Variants in SRGAP1 observed in about 807,000 individuals in gnomAD.
SRGAP1 encodes the protein SLIT-ROBO Rho GTPase-activating protein 1.
A neutral mutation model predicts 121.9 loss-of-function variants in SRGAP1; 43 were observed. That is an observed-to-expected ratio of 0.35 (90% CI 0.28 to 0.46). The LOEUF is 0.46. Among genes scored for constraint, SRGAP1 ranks in the 20% least tolerant of loss-of-function variants. SRGAP1 has a pLI of 1.00. For missense variants in SRGAP1, 1,102 were observed against 1,350.9 expected, an observed-to-expected ratio of 0.82 and a Z score of 2.89; for synonymous variants, 447 against 485.4, an observed-to-expected ratio of 0.92 and a Z score of 1.04.
chr12:63,945,932 A>AGTTCACCCACACATACCTTCCTACCTG (rs2032030846), intron 1 of SRGAP1, among the ~76,000 whole-genome samples: 1 of 150,922 alleles, frequency 6.6e-6, no homozygotes, highest in Non-Finnish European at 1.5e-5. Context: ...CTTTCTACCT[A>AGTTCACCCACACATACCTTCCTACCTG]GTTCACCCAC....
At chr12:64,071,529 C>A (rs9652019) in intron 8 of SRGAP1, among the ~76,000 whole-genome samples, 18,072 of 152,188 alleles carry the variant, frequency 0.12, 1,283 homozygotes, top group South Asian at 0.31. Context: ...GAAATATAAA[C>A]CTCTAAACAG....
rs764147106 is a variant in SRGAP1, at chr12:64,128,154, C to T, written c.2834C>T (p.Thr945Met). Residue 945 changes from threonine to methionine, a missense_variant, in exon 21 of 22, where the codon ACG becomes ATG. Thr to Met is a moderately conservative substitution (Grantham distance 81, BLOSUM62 -1). Around this residue, in one of 3 missense-constraint regions of SRGAP1, gnomAD observed 315 missense variants for 343.1 expected, o/e 0.92. Coordinates refer to ENST00000355086, the MANE Select transcript of SRGAP1 (RefSeq NM_020762.4). ...AGGTCCACGTCATCAGGGCAATACA[C>T]GGGCTTCAATGACCACAAGCCACTG... The part of the protein sequence containing the change: ...IRRSTSSGQY[T>M]GFNDHKPLDP... The T allele has an allele frequency of 4.0e-5, 64 of 1,613,792 alleles. No homozygotes were observed. Among genetic ancestry groups the T allele is most frequent in the Middle Eastern group, 3.3e-4 (2 of 6,084 alleles).
At chr12:64,096,022 T>C (rs570284720) in intron 14 of SRGAP1, among the ~76,000 whole-genome samples, 1 of 152,296 alleles carries the variant, frequency 6.6e-6, no homozygotes, top group East Asian at 1.9e-4. Context: ...GGCCTCGATT[T>C]CCTCACCTGC....
At chr12:63,988,673 CAG>C (rs1369845579) in intron 2 of SRGAP1, among the ~76,000 whole-genome samples, 2 of 152,144 alleles carry the variant, frequency 1.3e-5, no homozygotes, top group Admixed American at 6.5e-5. Flanking sequence ...AATTAATATT[CAG>C]AGTCATACAT....
intron 1 of SRGAP1, among the ~76,000 whole-genome samples, chr12:63,867,612 G>A (rs1899683151): frequency 6.6e-6 from 1 of 152,114 alleles, no homozygotes; most frequent in Middle Eastern, 3.4e-3. Flanking sequence ...TATCTTATAA[G>A]ATTATTATGA....
At chr12:64,020,859 AAAAG>A in intron 4 of SRGAP1, among the ~76,000 whole-genome samples, 1 of 150,806 alleles carries the variant, frequency 6.6e-6, no homozygotes, top group East Asian at 1.9e-4. Flanking sequence ...AAAAAAAAAA[AAAAG>A]AAAAGAAAGA....
At chr12:64,075,249 G>A (rs1164411586) in intron 8 of SRGAP1, among the ~76,000 whole-genome samples, 7 of 152,364 alleles carry the variant, frequency 4.6e-5, no homozygotes, top group South Asian at 4.1e-4. Flanking sequence ...GGGATGGGCC[G>A]AATTAAAGGA....
At chr12:63,911,713 G>A (rs1003499681) in intron 1 of SRGAP1, among the ~76,000 whole-genome samples, 13 of 152,156 alleles carry the variant, frequency 8.5e-5, no homozygotes, top group African/African-American at 2.9e-4. Flanking sequence ...AAATATTTAA[G>A]CATCACCCCG....
intron 1 of SRGAP1, among the ~76,000 whole-genome samples, chr12:63,959,455 C>G (rs1432313190): frequency 6.6e-6 from 1 of 152,108 alleles, no homozygotes; most frequent in Non-Finnish European, 1.5e-5. Context: ...AATAGAAACT[C>G]AAGAAATCCA....
chr12:64,056,005 T>C (rs1337410193), intron 6 of SRGAP1, among the ~76,000 whole-genome samples: 1 of 152,102 alleles, frequency 6.6e-6, no homozygotes, highest in Admixed American at 6.6e-5. Context: ...TGTAAAATAC[T>C]CAAAACACAA....
At chr12:64,007,402 A>G (rs1159796923) in intron 3 of SRGAP1, among the ~76,000 whole-genome samples, 1 of 152,108 alleles carries the variant, frequency 6.6e-6, no homozygotes, top group Non-Finnish European at 1.5e-5. Context: ...TTGTGCTCCT[A>G]TGAGAATCTA....
chr12:64,119,548 T>G (rs1046344080), intron 18 of SRGAP1, among the ~76,000 whole-genome samples: 2 of 152,156 alleles, frequency 1.3e-5, no homozygotes, highest in African/African-American at 2.4e-5. Context: ...AATAAACTTT[T>G]TATTCTTTCT....
At chr12:64,104,607 C>A (rs985507397) in intron 15 of SRGAP1, among the ~76,000 whole-genome samples, 16 of 152,202 alleles carry the variant, frequency 1.1e-4, no homozygotes, top group Admixed American at 7.9e-4. Context: ...GAGCGAAGCT[C>A]CTGTAGGATA....
At chr12:63,899,543 A>T (rs1276537256) in intron 1 of SRGAP1, among the ~76,000 whole-genome samples, 1 of 152,238 alleles carries the variant, frequency 6.6e-6, no homozygotes, top group Admixed American at 6.5e-5. Flanking sequence ...CAGAAAAAGG[A>T]AAGTGGCTAC....
chr12:64,123,044 A>G (rs1230823317), intron 18 of SRGAP1, among the ~76,000 whole-genome samples: 1 of 152,258 alleles, frequency 6.6e-6, no homozygotes, highest in Non-Finnish European at 1.5e-5. Flanking sequence ...ATTAAAGAAT[A>G]TTAATGGTTC....
rs539577054 is a variant in SRGAP1, at chr12:64,099,033, G to T, written c.1813+1658G>T. Reference sequence around the variant, plus strand: ...TGTCCAGAATTTTTCTGATCTCCCCGCATTATAATTTTTTTAACCCCTCTG... The same window carrying T: ...TGTCCAGAATTTTTCTGATCTCCCCTCATTATAATTTTTTTAACCCCTCTG... On this transcript the variant is annotated intron_variant, in intron 15 of 21. Transcript: ENST00000355086. Among the ~76,000 whole-genome samples, 4 of 152,164 alleles carry T rather than the reference G, an allele frequency of 2.6e-5. No homozygotes were observed. The South Asian group carries it at 8.3e-4, about 32-fold the overall frequency.
intron 11 of SRGAP1, among the ~76,000 whole-genome samples, chr12:64,087,354 TA>T (rs561347453): frequency 0.011 from 1,601 of 149,426 alleles, 21 homozygotes; most frequent in African/African-American, 0.035. Context: ...ATAGTTTAAT[TA>T]AAAAAAAAAT....
chr12:63,959,001 T>G (rs1423128013), intron 1 of SRGAP1, among the ~76,000 whole-genome samples: 1 of 152,134 alleles, frequency 6.6e-6, no homozygotes, highest in Non-Finnish European at 1.5e-5. Context: ...GTACATTAGA[T>G]TGAACATCTT....
At chr12:63,852,674 G>A (rs111396932) in intron 1 of SRGAP1, among the ~76,000 whole-genome samples, 1,620 of 152,304 alleles carry the variant, frequency 0.011, 10 homozygotes, top group Non-Finnish European at 0.018. Context: ...AATGAAAACT[G>A]TAGTTCAGTC....
Sources: allele counts gnomAD v4.1 joint callset (sites outside exome capture counted in the v4.1 genomes callset), GRCh38; gene constraint gnomAD v4.1.1; regional missense constraint gnomAD v4.1.1; transcripts MANE v1.5; gene names NCBI Gene and HGNC (gene_info 2026-07-23, HGNC 2026-07-21).